CCDC141: variants seen among roughly 807,000 people sequenced by gnomAD.
The protein encoded by CCDC141 is coiled-coil domain-containing protein 141.
Under a neutral mutation model 181.0 loss-of-function variants are expected in CCDC141, and 168 were observed. That is an observed-to-expected ratio of 0.93 (90% CI 0.82 to 1.05). The LOEUF is 1.05. Among genes scored for constraint, CCDC141 ranks in the 50% least tolerant of loss-of-function variants. The probability of loss-of-function intolerance (pLI) is 0.00; values close to 1 mark genes in which losing one functional copy is unlikely to be tolerated. For synonymous variants in CCDC141, 666 were observed against 642.3 expected (o/e 1.04, Z -0.56); for missense variants, 1,902 against 1,788.5 (o/e 1.06, Z -1.14).
At chr2:178,906,215 T>C (rs546193104) in intron 7 of CCDC141, among the ~76,000 whole-genome samples, 11 of 152,376 alleles carry the variant, frequency 7.2e-5, no homozygotes, top group Admixed American at 4.6e-4. Flanking sequence ...CTTTATTTTC[T>C]TCCTTTATTA....
chr2:178,989,530 G>A (rs1324068375), intron 2 of CCDC141, among the ~76,000 whole-genome samples: 1 of 150,862 alleles, frequency 6.6e-6, no homozygotes, highest in South Asian at 2.1e-4. Context: ...GGAGGCAGAG[G>A]TTGCAGTGAG....
chr2:179,007,480 C>T (rs915588035), intron 2 of CCDC141, among the ~76,000 whole-genome samples: 3 of 152,130 alleles, frequency 2.0e-5, no homozygotes, highest in Middle Eastern at 3.2e-3. Flanking sequence ...ATGCATGTTA[C>T]TTTGGAACAT....
Position 178,837,182 on chromosome 2 carries a change from C to A in CCDC141, c.4037G>T (p.Arg1346Leu). Reference sequence around the variant, plus strand: ...GTTATTATCAGCATGCATTTTCTCCCGTGTTTCTAGCAAACCACCCTGAGC... The same window carrying A: ...GTTATTATCAGCATGCATTTTCTCCAGTGTTTCTAGCAAACCACCCTGAGC... ...PQAQGGLLET[R>L]EKMHADNNFT... Residue 1346 changes from arginine to leucine, a missense_variant, in exon 23 of 24, where the codon CGG becomes CTG. Arg to Leu is a moderately radical substitution (Grantham distance 102, BLOSUM62 -2). Transcript: ENST00000443758. 2 of 1,613,890 alleles carry A rather than the reference C, an allele frequency of 1.2e-6. No individual in the cohort carries two copies. The highest frequency in any genetic ancestry group is 2.2e-5 in the South Asian group (2 of 91,064).
Position 178,940,758 on chromosome 2 carries a change from A to G in CCDC141, c.897+3777T>C, listed in dbSNP as rs184308063. 3.3e-5 allele frequency among the ~76,000 whole-genome samples: 5 copies of G among 152,312 alleles called. No individual in the cohort carries two copies. The East Asian group carries it at 9.6e-4, about 29-fold the overall frequency. On this transcript the variant is annotated intron_variant, in intron 6 of 23. Transcript: ENST00000443758. The stretch of plus-strand genomic sequence containing the variant: ...TCCTTTTCATATCAGGCACTGTCCA[A>G]TGTGCTGGGAATACCAAGGTAAGAT...
downstream of CCDC141, among the ~76,000 whole-genome samples, chr2:178,828,190 T>C (rs909813121): frequency 6.6e-6 from 1 of 152,168 alleles, no homozygotes; most frequent in Non-Finnish European, 1.5e-5. Context: ...AACATTTTAT[T>C]GTGGTCTCTA....
rs546842864 is a variant in CCDC141, at chr2:178,863,441, G to A, written c.2724+2326C>T. On this transcript the variant is annotated intron_variant, in intron 17 of 23. Transcript: ENST00000443758. ...TTATGCAGAAAAAAATCAGTATAACGTATCATATTTAATTTTACGTAAGTT... is the reference window on the plus strand; with the variant it reads ...TTATGCAGAAAAAAATCAGTATAACATATCATATTTAATTTTACGTAAGTT... Among the ~76,000 whole-genome samples the A allele has an allele frequency of 5.3e-5, 8 of 152,240 alleles. No individual in the cohort carries two copies. In the East Asian group the frequency reaches 5.8e-4, roughly 11 times the overall value.
At chr2:179,018,221 G>A (rs930567058) in intron 2 of CCDC141, among the ~76,000 whole-genome samples, 1 of 152,044 alleles carries the variant, frequency 6.6e-6, no homozygotes, top group African/African-American at 2.4e-5. Flanking sequence ...TTTCTCTTCA[G>A]TAGAGTGTTA....
At chr2:178,904,610 T>C (rs1364606579) in intron 8 of CCDC141, among the ~76,000 whole-genome samples, 2 of 152,202 alleles carry the variant, frequency 1.3e-5, no homozygotes, top group African/African-American at 2.4e-5. Flanking sequence ...CTGTGAAAAA[T>C]GTAAGCCCTG....
the CCDC141 span, among the ~76,000 whole-genome samples, chr2:178,817,107 T>C: frequency 6.6e-6 from 1 of 152,244 alleles, no homozygotes. Flanking sequence ...TGAGTATTTA[T>C]ACTTAGAAAC....
intron 2 of CCDC141, among the ~76,000 whole-genome samples, chr2:178,998,852 T>C (rs1157361976): frequency 6.6e-6 from 1 of 152,158 alleles, no homozygotes; most frequent in African/African-American, 2.4e-5. Flanking sequence ...GGGCAACTTT[T>C]TCAAAGTAGA....
At chr2:178,971,051 T>TA (rs1219389177) in intron 4 of CCDC141, among the ~76,000 whole-genome samples, 2 of 151,398 alleles carry the variant, frequency 1.3e-5, no homozygotes, top group East Asian at 3.9e-4. Context: ...CTACTAAAAA[T>TA]AAAAAAATTA....
At chr2:179,015,377 A>ATG (rs2042454333) in intron 2 of CCDC141, among the ~76,000 whole-genome samples, 1 of 140,368 alleles carries the variant, frequency 7.1e-6, no homozygotes, top group African/African-American at 2.6e-5. Context: ...TGTATCATAT[A>ATG]TATCTCATAT....
chr2:178,973,358 T>C (rs1690983767), intron 4 of CCDC141, among the ~76,000 whole-genome samples: 1 of 152,152 alleles, frequency 6.6e-6, no homozygotes. Flanking sequence ...GTCATCAAGA[T>C]GGAAGAATAT....
At chr2:178,823,818 T>A in the CCDC141 span, among the ~76,000 whole-genome samples, 13 of 152,328 alleles carry the variant, frequency 8.5e-5, no homozygotes, top group East Asian at 1.9e-3. Context: ...ATACAGATTT[T>A]TAATTATCTA....
At chr2:178,981,190 G>T (rs975084114) in intron 2 of CCDC141, among the ~76,000 whole-genome samples, 1 of 152,044 alleles carries the variant, frequency 6.6e-6, no homozygotes, top group African/African-American at 2.4e-5. Context: ...ATTATATCCA[G>T]CAGGCCGAAA....
rs1029037080 is a variant in CCDC141, at chr2:178,831,260, A to G, written c.*2913T>C. On this transcript the variant is annotated 3_prime_UTR_variant, in exon 24 of 24. Transcript: ENST00000443758. ...TTATACATCCTTTTATTGGAAAATC[A>G]AAGCTGGAAAACTCAATGATTTTGC... is the stretch of plus-strand genomic sequence containing the variant. 1 of 152,222 alleles carries G rather than the reference A, an allele frequency of 6.6e-6. No homozygotes were observed. The highest frequency in any genetic ancestry group is 2.4e-5 in the African/African-American group (1 of 41,460). 9.4% of individuals were successfully genotyped at this position (152,222 alleles called of 1,614,324 possible).
intron 2 of CCDC141, among the ~76,000 whole-genome samples, chr2:178,985,218 T>A (rs1691665228): frequency 6.6e-6 from 1 of 151,492 alleles, no homozygotes; most frequent in African/African-American, 2.4e-5. Flanking sequence ...GAATGACTAC[T>A]GGGTACATAA....
chr2:178,877,997 A>C lies in CCDC141; in HGVS notation c.1866T>G (p.Asp622Glu). 1.2e-6 allele frequency: 2 copies of C among 1,613,842 alleles called. No individual in the cohort carries two copies. Among genetic ancestry groups the C allele is most frequent in the African/African-American group, 2.7e-5 (2 of 75,030 alleles). The change falls in exon 12 of 24, where the codon GAT becomes GAG. Residue 622 changes from aspartate (D) to glutamate (E), a missense_variant. By Grantham distance (45) the Asp-to-Glu change is conservative. Coordinates refer to ENST00000443758, the MANE Select transcript of CCDC141 (RefSeq NM_173648.4). Reference sequence around the variant, plus strand: ...TTAAATTAAGGAACTCAAGCCCTAGATCTTGTGTTATAAAACTCTTCTTTA... The same window carrying C: ...TTAAATTAAGGAACTCAAGCCCTAGCTCTTGTGTTATAAAACTCTTCTTTA... ...LFLKKSFITQDLGLEFLNLIN... is the reference protein window; with the variant it reads ...LFLKKSFITQELGLEFLNLIN...
intron 9 of CCDC141, among the ~76,000 whole-genome samples, chr2:178,887,974 C>T (rs1686966725): frequency 6.6e-6 from 1 of 152,114 alleles, no homozygotes; most frequent in African/African-American, 2.4e-5. Context: ...TTCTTCCATA[C>T]CAAGCCATCA....
Sources: gnomAD v4.1 joint callset for allele counts (sites outside exome capture counted in the v4.1 genomes callset) on GRCh38, gnomAD v4.1.1 for gene constraint, MANE v1.5 for transcripts, NCBI Gene and HGNC (gene_info 2026-07-23, HGNC 2026-07-21) for gene names.